SPAM1: variants seen among roughly 807,000 people sequenced by gnomAD.
SPAM1 encodes the protein sperm adhesion molecule 1.
A neutral mutation model predicts 29.6 loss-of-function variants in SPAM1; 22 were observed. The ratio of observed to expected loss-of-function variants is 0.74; its 90% CI spans 0.53 to 1.06. SPAM1 has a LOEUF of 1.06. SPAM1 is among the 50% of genes least tolerant of loss of function. SPAM1 has a pLI of 0.00. For missense variants in SPAM1, 534 were observed against 604.0 expected (o/e 0.88, Z 1.21); for synonymous variants, 194 against 204.6 (o/e 0.95, Z 0.44).
intron 1 of SPAM1, among the ~76,000 whole-genome samples, chr7:123,934,515 G>C (rs1247309829): frequency 1.3e-5 from 2 of 152,150 alleles, no homozygotes; most frequent in Non-Finnish European, 1.5e-5. Context: ...AAGGAAATCA[G>C]TGTGTTAAAG....
intron 1 of SPAM1, among the ~76,000 whole-genome samples, chr7:123,940,628 A>G (rs1430186937): frequency 1.3e-5 from 2 of 151,908 alleles, no homozygotes; most frequent in African/African-American, 2.4e-5. Context: ...AGCTGGTACT[A>G]CAAGCTCATA....
intron 4 of SPAM1, among the ~76,000 whole-genome samples, chr7:123,957,952 A>G (rs1792282154): frequency 6.6e-6 from 1 of 151,920 alleles, no homozygotes; most frequent in Admixed American, 6.6e-5. Flanking sequence ...AAGTTTCTAT[A>G]CTTTCAAGGA....
In SPAM1 at chr7:123,953,976, C is replaced by G; in HGVS notation, c.406C>G (p.Pro136Ala). 6.2e-7 allele frequency: 1 copy of G among 1,613,706 alleles called. No individual in the cohort carries two copies. The highest frequency in any genetic ancestry group is 8.5e-7 in the Non-Finnish European group (1 of 1,179,812). The part of the protein sequence containing the change: ...KAKKDITFYM[P>A]VDNLGMAVID... ...TAAGAAAGACATTACATTTTATATG[C>G]CAGTAGACAATTTGGGAATGGCTGT... The change falls in exon 3 of 5, where the codon CCA becomes GCA. Residue 136 changes from proline to alanine, a missense_variant. Coordinates refer to ENST00000682466, the MANE Select transcript of SPAM1 (RefSeq NM_153189.3).
intron 5 of SPAM1, among the ~76,000 whole-genome samples, chr7:123,965,877 A>G (rs1792418130): frequency 6.6e-6 from 1 of 152,040 alleles, no homozygotes; most frequent in Non-Finnish European, 1.5e-5. Flanking sequence ...CATTGCATCT[A>G]TAAATTACTT....
chr7:123,933,302 T>A (rs564240762), intron 1 of SPAM1, among the ~76,000 whole-genome samples: 1 of 152,252 alleles, frequency 6.6e-6, no homozygotes, highest in Non-Finnish European at 1.5e-5. Flanking sequence ...CTCCCACTTA[T>A]AAGCGAGAAC....
chr7:123,940,278 A>T (rs1258059457), intron 1 of SPAM1, among the ~76,000 whole-genome samples: 5 of 152,140 alleles, frequency 3.3e-5, no homozygotes, highest in Admixed American at 3.3e-4. Context: ...GTACCAATTG[A>T]TGAGTGGCTC....
intron 4 of SPAM1, among the ~76,000 whole-genome samples, chr7:123,958,719 C>G (rs1792299631): frequency 1.3e-5 from 2 of 151,756 alleles, no homozygotes; most frequent in African/African-American, 4.8e-5. Flanking sequence ...ATAGTTCCAG[C>G]TACTCAGGGG....
intron 1 of SPAM1, chr7:123,947,873 A>G (rs1365409132): frequency 1.3e-5 from 2 of 152,160 alleles, no homozygotes; most frequent in African/African-American, 4.8e-5. Context: ...AAGTTCTGTA[A>G]TGTGCCACAT....
chr7:123,952,390 T>C (rs1441436011), intron 2 of SPAM1, among the ~76,000 whole-genome samples: 1 of 152,176 alleles, frequency 6.6e-6, no homozygotes. Flanking sequence ...TATAATTTCA[T>C]ATAGCAGTGT....
chr7:123,963,495 G>T (rs1012418576), downstream of SPAM1, among the ~76,000 whole-genome samples: 5 of 151,384 alleles, frequency 3.3e-5, no homozygotes, highest in African/African-American at 9.7e-5. Context: ...GCATTAAAAA[G>T]GATATTTTTT....
At chr7:123,928,444 A>C (rs918369607) in intron 1 of SPAM1, among the ~76,000 whole-genome samples, 2 of 152,184 alleles carry the variant, frequency 1.3e-5, no homozygotes, top group African/African-American at 4.8e-5. Context: ...AAATTTACAT[A>C]ACAAACCTCT....
chr7:123,926,956 G>C (rs1290165904), intron 1 of SPAM1, among the ~76,000 whole-genome samples: 1 of 152,114 alleles, frequency 6.6e-6, no homozygotes, highest in African/African-American at 2.4e-5. Flanking sequence ...AGGAAGGAAA[G>C]AAAACAAAGG....
intron 5 of SPAM1, among the ~76,000 whole-genome samples, chr7:123,969,088 G>T (rs1792464837): frequency 1.3e-5 from 2 of 151,938 alleles, no homozygotes; most frequent in Non-Finnish European, 2.9e-5. Context: ...AAAGGCTAGG[G>T]TCAAGATGCA....
chr7:123,939,905 C>G (rs1808376029), intron 1 of SPAM1, among the ~76,000 whole-genome samples: 1 of 152,210 alleles, frequency 6.6e-6, no homozygotes, highest in Non-Finnish European at 1.5e-5. Context: ...CCAGAACCTG[C>G]CTTACCTGAG....
intron 5 of SPAM1, among the ~76,000 whole-genome samples, chr7:123,966,826 T>A (rs1365188781): frequency 1.3e-5 from 2 of 152,022 alleles, no homozygotes; most frequent in Non-Finnish European, 2.9e-5. Context: ...AGGTGATGGA[T>A]TGATCTGTGC....
chr7:123,939,782 C>T (rs1455980644), intron 1 of SPAM1, among the ~76,000 whole-genome samples: 2 of 152,070 alleles, frequency 1.3e-5, no homozygotes, highest in Admixed American at 1.3e-4. Flanking sequence ...AGCAAGAATT[C>T]CCCATCTTCT....
chr7:123,951,040 G>A (rs1224336012), intron 2 of SPAM1, among the ~76,000 whole-genome samples: 1 of 151,932 alleles, frequency 6.6e-6, no homozygotes, highest in Non-Finnish European at 1.5e-5. Flanking sequence ...TACATTTATT[G>A]GCCTCTTGTA....
chr7:123,949,292 T>C (rs1194165080), intron 1 of SPAM1, among the ~76,000 whole-genome samples: 1 of 152,142 alleles, frequency 6.6e-6, no homozygotes, highest in Non-Finnish European at 1.5e-5. Context: ...AACAGTATGA[T>C]AGTTGGATGA....
Position 123,953,487 on chromosome 7 carries a change from C to T in SPAM1, c.-84C>T. 1.4e-6 allele frequency: 1 copy of T among 708,184 alleles called. No homozygotes were observed. Among genetic ancestry groups the T allele is most frequent in the African/African-American group, 1.8e-5 (1 of 55,630 alleles). The allele number at this position is 708,184 out of a possible 1,614,324, so 43.9% of individuals were successfully genotyped here. On this transcript the variant is annotated 5_prime_UTR_variant, in exon 3 of 5. Coordinates refer to ENST00000682466, the MANE Select transcript of SPAM1 (RefSeq NM_153189.3). ...GTGAATTCATTCCATTCCCTTTCAT[C>T]TGTGCTCATACTTTGCATCAGATAT...
Sources: gnomAD v4.1 joint callset for allele counts (sites outside exome capture counted in the v4.1 genomes callset) on GRCh38, gnomAD v4.1.1 for gene constraint, MANE v1.5 for transcripts, NCBI Gene and HGNC (gene_info 2026-07-23, HGNC 2026-07-21) for gene names.